KSR2: variants seen among roughly 807,000 people sequenced by gnomAD.
The protein encoded by KSR2 is kinase suppressor of ras 2.
KSR2 carries 25 observed loss-of-function variants against 107.8 expected under a neutral mutation model. The observed-to-expected ratio is 0.23, with a 90% CI of 0.17 to 0.32. The LOEUF (loss-of-function observed/expected upper bound fraction) is 0.32, where lower values mean the gene tolerates loss of function less well. Among genes scored for constraint, KSR2 ranks in the 10% least tolerant of loss-of-function variants. The pLI, the probability that KSR2 is intolerant of heterozygous loss-of-function variation, is 1.00. For missense variants in KSR2, 887 were observed against 1,268.9 expected (o/e 0.70, Z 4.57); for synonymous variants, 480 against 507.0 (o/e 0.95, Z 0.71).
chr12:117,731,898 G>C (rs947293085), intron 4 of KSR2, among the ~76,000 whole-genome samples: 3 of 141,010 alleles, frequency 2.1e-5, no homozygotes, highest in Admixed American at 7.7e-5. Context: ...CAAACACTGC[G>C]GAAGGCCGCA....
At chr12:117,794,564 CACCAACATGCACACAT>C (rs1191713622) in intron 3 of KSR2, among the ~76,000 whole-genome samples, 3 of 148,250 alleles carry the variant, frequency 2.0e-5, no homozygotes, top group African/African-American at 7.7e-5. Context: ...CATGCACACA[CACCAACATGCACACAT>C]ACATCAACAT....
At chr12:117,893,877 T>C (rs1168531596) in intron 1 of KSR2, among the ~76,000 whole-genome samples, 3 of 151,148 alleles carry the variant, frequency 2.0e-5, no homozygotes, top group Non-Finnish European at 2.9e-5. Context: ...TCAAAATTCA[T>C]AGCCAGAAAA....
chr12:117,733,124 C>T (rs1306221263), intron 4 of KSR2, among the ~76,000 whole-genome samples: 1 of 152,190 alleles, frequency 6.6e-6, no homozygotes, highest in Non-Finnish European at 1.5e-5. Flanking sequence ...CGCGCCATGG[C>T]TTAAATGATG....
At position 117,459,326 on chromosome 12, in the gene KSR2, T is replaced by A. The variant is rs775112585; in HGVS notation, c.*7873A>T. On this transcript the variant is annotated 3_prime_UTR_variant, in exon 20 of 20. Coordinates refer to ENST00000339824, the MANE Select transcript of KSR2 (RefSeq NM_173598.6). ...TGACTTAGGGGAGTTTATTATAGCT[T>A]CCCTCTCTGGGCCTCAGATCCTGCT... 6.7e-5 allele frequency: 10 copies of A among 150,326 alleles called. No individual in the cohort carries two copies. The highest frequency in any genetic ancestry group is 1.5e-4 in the Non-Finnish European group (10 of 67,816). The allele number at this position is 150,326 out of a possible 1,614,324, so 9.3% of individuals were successfully genotyped here. A position where few individuals can be genotyped will look rare whatever the true frequency, so the allele number is the denominator to read the frequency against.
At chr12:117,559,192 C>A (rs1272983617) in intron 7 of KSR2, among the ~76,000 whole-genome samples, 1 of 152,050 alleles carries the variant, frequency 6.6e-6, no homozygotes, top group Admixed American at 6.6e-5. Flanking sequence ...GCAGCTACTG[C>A]AAAGGCATAT....
rs190160893 is a variant in KSR2, at chr12:117,634,042, G to T, written c.1171+33432C>A. ...TATCTGGCAATCAGTCCATAAAGGC[G>T]GACGCTGTGTCTGTCTTACATACCC... On this transcript the variant is annotated intron_variant, in intron 5 of 19. Transcript: ENST00000339824. 5.3e-4 allele frequency among the ~76,000 whole-genome samples: 81 copies of T among 152,234 alleles called. 1 individual carries two copies. In the East Asian group the frequency reaches 0.015, roughly 27 times the overall value.
At chr12:117,775,605 G>C (rs1889658628) in intron 3 of KSR2, among the ~76,000 whole-genome samples, 1 of 152,180 alleles carries the variant, frequency 6.6e-6, no homozygotes, top group Admixed American at 6.5e-5. Context: ...CGTTCTCTTG[G>C]CTGCTATAAA....
intron 5 of KSR2, among the ~76,000 whole-genome samples, chr12:117,607,235 G>A (rs1156654964): frequency 6.6e-6 from 1 of 152,178 alleles, no homozygotes; most frequent in Non-Finnish European, 1.5e-5. Context: ...GGTAGGGCAA[G>A]GCTAGTTTGC....
chr12:117,506,282 T>G (rs1046638915), intron 14 of KSR2, among the ~76,000 whole-genome samples: 2 of 152,224 alleles, frequency 1.3e-5, no homozygotes, highest in Non-Finnish European at 2.9e-5. Context: ...TTTCGTGAAT[T>G]ATTTCAACCA....
intron 1 of KSR2, among the ~76,000 whole-genome samples, chr12:117,929,379 G>A (rs1163177826): frequency 6.6e-6 from 1 of 152,154 alleles, no homozygotes; most frequent in Non-Finnish European, 1.5e-5. Context: ...GGTTTTATAA[G>A]GGGAAACTCC....
At chr12:117,816,758 G>T (rs1045847978) in intron 3 of KSR2, among the ~76,000 whole-genome samples, 1 of 152,158 alleles carries the variant, frequency 6.6e-6, no homozygotes, top group Admixed American at 6.5e-5. Context: ...CTAGAAGGCA[G>T]GGCATTATTT....
At chr12:117,478,304 A>G (rs556001058) in intron 16 of KSR2, among the ~76,000 whole-genome samples, 141 of 152,354 alleles carry the variant, frequency 9.3e-4, no homozygotes, top group African/African-American at 3.3e-3. Flanking sequence ...GCATTATGCG[A>G]TAGAACTTTC....
intron 14 of KSR2, among the ~76,000 whole-genome samples, chr12:117,495,763 G>A (rs1872985513): frequency 1.3e-5 from 2 of 152,298 alleles, no homozygotes; most frequent in South Asian, 4.2e-4. Context: ...TAAGTCAAGA[G>A]GTCAGAGGCG....
intron 4 of KSR2, among the ~76,000 whole-genome samples, chr12:117,743,794 C>T (rs1888306985): frequency 6.6e-6 from 1 of 152,196 alleles, no homozygotes; most frequent in African/African-American, 2.4e-5. Flanking sequence ...ACCTCAGATG[C>T]ACTTAGCCAA....
chr12:117,805,148 G>A (rs1890968674), intron 3 of KSR2, among the ~76,000 whole-genome samples: 1 of 152,218 alleles, frequency 6.6e-6, no homozygotes, highest in South Asian at 2.1e-4. Flanking sequence ...CACCCCACCA[G>A]AAACAGATGG....
intron 5 of KSR2, among the ~76,000 whole-genome samples, chr12:117,593,180 G>A (rs1880426917): frequency 6.6e-6 from 1 of 152,092 alleles, no homozygotes; most frequent in Non-Finnish European, 1.5e-5. Context: ...TGACCCAAAG[G>A]AAAATGCTAA....
intron 4 of KSR2, among the ~76,000 whole-genome samples, chr12:117,670,228 C>A (rs1339727664): frequency 6.6e-6 from 1 of 152,220 alleles, no homozygotes; most frequent in East Asian, 1.9e-4. Flanking sequence ...GAGGCTTCAT[C>A]ATAATAATAA....
intron 5 of KSR2, among the ~76,000 whole-genome samples, chr12:117,614,694 T>C (rs541584282): frequency 6.6e-5 from 10 of 152,338 alleles, no homozygotes; most frequent in Admixed American, 2.0e-4. Flanking sequence ...TGTGGAAACT[T>C]GGGGAGAGGA....
rs1003665982 is a variant in KSR2 at position 117,531,367 on chromosome 12, C to G, written c.1729+299G>C. ...ATCCTCTCAGTACCCAGCTCAGGACCCTATGACCATCTCTTTCCTGCCACA... is the reference window on the plus strand; with the variant it reads ...ATCCTCTCAGTACCCAGCTCAGGACGCTATGACCATCTCTTTCCTGCCACA... On this transcript the variant is annotated intron_variant, in intron 11 of 19. Coordinates refer to ENST00000339824, the MANE Select transcript of KSR2 (RefSeq NM_173598.6). Among the ~76,000 whole-genome samples the G allele has an allele frequency of 3.3e-5, 5 of 152,238 alleles. No homozygotes were observed. The South Asian group carries it at 1.0e-3, about 32-fold the overall frequency.
Sources: gnomAD v4.1 joint callset for allele counts (sites outside exome capture counted in the v4.1 genomes callset) on GRCh38, gnomAD v4.1.1 for gene constraint, MANE v1.5 for transcripts, NCBI Gene and HGNC (gene_info 2026-07-23, HGNC 2026-07-21) for gene names.